Variants in NTAQ1 observed in about 807,000 individuals in gnomAD.
NTAQ1 encodes protein N-terminal glutamine amidohydrolase.
In NTAQ1, 21 loss-of-function variants were observed where a neutral mutation model predicts 28.2. The observed-to-expected ratio is 0.74, with a 90% CI of 0.53 to 1.07. The LOEUF (loss-of-function observed/expected upper bound fraction) is 1.07, where lower values mean the gene tolerates loss of function less well. Ranked by LOEUF, NTAQ1 falls within the 50% of genes least tolerant of loss-of-function variation. The pLI is 0.00. For synonymous variants in NTAQ1, 105 were observed against 90.0 expected (o/e 1.17, Z -0.94); for missense variants, 264 against 256.6 (o/e 1.03, Z -0.20).
intron 2 of NTAQ1, among the ~76,000 whole-genome samples, chr8:123,428,973 C>G (rs1339680877): frequency 1.3e-5 from 2 of 152,122 alleles, no homozygotes; most frequent in Non-Finnish European, 2.9e-5. Context: ...GACGCATACT[C>G]TCAGTTTTAA....
intron 4 of NTAQ1, 135 bp downstream of exon 4, chr8:123,436,736 G>C: frequency 1.1e-6 from 1 of 934,168 alleles, no homozygotes. Context: ...GTTTAAGAAT[G>C]ATGTATTTGC....
chr8:123,452,800 G>C (rs1435863779), downstream of NTAQ1, among the ~76,000 whole-genome samples: 4 of 151,822 alleles, frequency 2.6e-5, no homozygotes, highest in African/African-American at 9.7e-5. Context: ...CCAGCTACTC[G>C]GGAGGCTGAG....
intron 1 of NTAQ1, 60 bp from the exon 2 acceptor site, chr8:123,427,864 C>A: frequency 1.4e-6 from 2 of 1,408,392 alleles, no homozygotes; most frequent in South Asian, 2.5e-5. Context: ...GTATTTTGTT[C>A]AAATTTAAAA....
At chr8:123,419,919 C>A (rs1255199894) in intron 1 of NTAQ1, among the ~76,000 whole-genome samples, 1 of 151,684 alleles carries the variant, frequency 6.6e-6, no homozygotes, top group East Asian at 1.9e-4. Flanking sequence ...TTTTTCCCTT[C>A]CAACTTTTAT....
intron 3 of NTAQ1, among the ~76,000 whole-genome samples, chr8:123,431,548 C>G (rs1814395626): frequency 6.6e-6 from 1 of 152,140 alleles, no homozygotes; most frequent in East Asian, 1.9e-4. Flanking sequence ...AAATCCCTGA[C>G]CTCACAGAGC....
intron 6 of NTAQ1, among the ~76,000 whole-genome samples, chr8:123,464,001 C>T (rs1472401292): frequency 6.6e-6 from 1 of 152,202 alleles, no homozygotes; most frequent in Non-Finnish European, 1.5e-5. Context: ...GGGACTCCCC[C>T]GCACATGCTG....
chr8:123,423,295 CTTT>C (rs1813830176), intron 1 of NTAQ1, among the ~76,000 whole-genome samples: 2 of 52,718 alleles, frequency 3.8e-5, no homozygotes, highest in Admixed American at 2.4e-4. Flanking sequence ...TCCTTCTCTT[CTTT>C]TGTTTTCTCT....
In NTAQ1 at chr8:123,441,807, G is replaced by A. The variant is rs969202111; in HGVS notation, c.*392G>A. On this transcript the variant is annotated 3_prime_UTR_variant, in exon 6 of 6. Transcript: ENST00000287387. Reference sequence around the variant, plus strand: ...GGGCAGGGCCATGGCCCATTGCTCTGTGAATCTCAAATGCCCATAAAAGGT... The same window carrying A: ...GGGCAGGGCCATGGCCCATTGCTCTATGAATCTCAAATGCCCATAAAAGGT... The A allele has an allele frequency of 5.7e-6, 1 of 174,596 alleles. No individual in the cohort carries two copies. The highest frequency in any genetic ancestry group is 5.7e-5 in the Admixed American group (1 of 17,398). The allele number at this position is 174,596 out of a possible 1,614,324, so 10.8% of individuals were successfully genotyped here. A position where few individuals can be genotyped will look rare whatever the true frequency, so the allele number is the denominator to read the frequency against.
chr8:123,426,621 A>G (rs1342964184), intron 1 of NTAQ1, among the ~76,000 whole-genome samples: 1 of 151,338 alleles, frequency 6.6e-6, no homozygotes, highest in Non-Finnish European at 1.5e-5. Context: ...TGGTTGAGCC[A>G]CTGCACTTCA....
At chr8:123,461,081 C>G (rs1815810838) in intron 6 of NTAQ1, among the ~76,000 whole-genome samples, 1 of 152,152 alleles carries the variant, frequency 6.6e-6, no homozygotes, top group African/African-American at 2.4e-5. Context: ...GCCTAAGTGA[C>G]CTAACACACT....
intron 5 of NTAQ1, among the ~76,000 whole-genome samples, chr8:123,438,595 C>G (rs1814861449): frequency 1.3e-5 from 2 of 151,384 alleles, no homozygotes; most frequent in African/African-American, 4.9e-5. Flanking sequence ...ATTGCTTGAA[C>G]CGGGAGGCAG....
intron 2 of NTAQ1, among the ~76,000 whole-genome samples, chr8:123,428,849 G>C (rs192138634): frequency 1.2e-4 from 19 of 152,278 alleles, no homozygotes; most frequent in African/African-American, 4.1e-4. Context: ...TGACCTGTCT[G>C]CCTTGGCCTC....
chr8:123,449,950 CAT>C (rs529123810), downstream of NTAQ1, among the ~76,000 whole-genome samples: 1,394 of 42,848 alleles, frequency 0.033, 234 homozygotes, highest in Middle Eastern at 0.083. Context: ...TGTGTGTGTG[CAT>C]ATATATATAT....
At chr8:123,433,848 T>C (rs1814538487) in intron 3 of NTAQ1, among the ~76,000 whole-genome samples, 2 of 152,206 alleles carry the variant, frequency 1.3e-5, no homozygotes, top group Admixed American at 1.3e-4. Context: ...ATGGGCTGCA[T>C]GTGGCCCAAG....
intron 6 of NTAQ1, among the ~76,000 whole-genome samples, chr8:123,458,025 C>T (rs1276014841): frequency 8.6e-6 from 1 of 116,590 alleles, no homozygotes; most frequent in Non-Finnish European, 1.7e-5. Flanking sequence ...CAGAGCAAGA[C>T]TCTGTCTCAA....
chr8:123,435,750 C>T (rs1057097652), intron 3 of NTAQ1, among the ~76,000 whole-genome samples: 9 of 151,924 alleles, frequency 5.9e-5, no homozygotes, highest in Admixed American at 1.3e-4. Flanking sequence ...GTCTGTAGTC[C>T]CAGCTACTCA....
At chr8:123,459,800 C>CTA (rs1815765316) in intron 6 of NTAQ1, among the ~76,000 whole-genome samples, 1 of 119,608 alleles carries the variant, frequency 8.4e-6, no homozygotes, top group African/African-American at 3.2e-5. Context: ...ATACATCATT[C>CTA]TTTTTTTTTT....
intron 6 of NTAQ1, among the ~76,000 whole-genome samples, chr8:123,457,967 G>A (rs189777573): frequency 1.3e-5 from 2 of 150,120 alleles, no homozygotes; most frequent in African/African-American, 4.9e-5. Context: ...CCGGGAGGTG[G>A]AGGTTGCAGT....
chr8:123,440,691 G>A (rs1239107239), intron 5 of NTAQ1, among the ~76,000 whole-genome samples: 3 of 151,564 alleles, frequency 2.0e-5, no homozygotes, highest in Non-Finnish European at 2.9e-5. Flanking sequence ...GTAGAGATGG[G>A]GTTTCACCAT....
Sources: gnomAD v4.1 joint callset for allele counts (sites outside exome capture counted in the v4.1 genomes callset) on GRCh38, gnomAD v4.1.1 for gene constraint, MANE v1.5 for transcripts, NCBI Gene and HGNC (gene_info 2026-07-23, HGNC 2026-07-21) for gene names.